The following C19orf44 variants were observed in gnomAD, a reference collection of about 807,000 sequenced individuals.
The protein encoded by C19orf44 is uncharacterized protein C19orf44.
A neutral mutation model predicts 50.7 loss-of-function variants in C19orf44; 43 were observed. The observed-to-expected ratio is 0.85, with a 90% CI of 0.66 to 1.09. C19orf44 has a LOEUF of 1.09. Among genes scored for constraint, C19orf44 ranks in the 50% least tolerant of loss-of-function variants. The pLI is 0.00. For missense variants in C19orf44, 722 were observed against 836.2 expected (o/e 0.86, Z 1.68); for synonymous variants, 298 against 334.7 (o/e 0.89, Z 1.20).
At position 16,501,126 on chromosome 19, in the gene C19orf44, A is replaced by G. The variant is rs2093424070; in HGVS notation, c.334A>G (p.Asn112Asp). 1 of 1,613,986 alleles carries G rather than the reference A, an allele frequency of 6.2e-7. No homozygotes were observed. The highest frequency in any genetic ancestry group is 1.3e-5 in the African/African-American group (1 of 74,906). The change falls in exon 2 of 9, where the codon AAT (asparagine) becomes GAT (aspartate). Residue 112 changes from asparagine (N) to aspartate (D), a missense_variant. Asn to Asp is a conservative substitution (Grantham distance 23, BLOSUM62 1). Coordinates refer to ENST00000221671, the MANE Select transcript of C19orf44 (RefSeq NM_032207.4). ...GATCATGAATCGGAAGCTGCAGAGGAATTTGTCTGACACGGAATCTGACTC... is the reference window on the plus strand; with the variant it reads ...GATCATGAATCGGAAGCTGCAGAGGGATTTGTCTGACACGGAATCTGACTC... ...TRIMNRKLQR[N>D]LSDTESDSMT... is the part of the protein sequence containing the mutation.
At chr19:16,497,644 C>T (rs904573690) in intron 1 of C19orf44, among the ~76,000 whole-genome samples, 6 of 152,264 alleles carry the variant, frequency 3.9e-5, no homozygotes, top group South Asian at 2.1e-4. Context: ...CCACTGCGCC[C>T]GGCTTGGCTA....
Position 16,519,380 on chromosome 19 carries a change from C to A in C19orf44, c.*41-714C>A, listed in dbSNP as rs765754577. The A allele has an allele frequency of 6.9e-6, 11 of 1,601,704 alleles. No individual in the cohort carries two copies. The highest frequency in any genetic ancestry group is 1.1e-5 in the South Asian group (1 of 90,126). On this transcript the variant is annotated intron_variant, in intron 8 of 8. Coordinates refer to ENST00000221671, the MANE Select transcript of C19orf44 (RefSeq NM_032207.4). This position sits in a 1 kb window ranked among gnomAD's most constrained non-coding sequence, Gnocchi z 6.0. ...GGAAACAGAGACGCAGTCACAACCA[C>A]AACAAGGCGGAGGCAGATGGGGGTG...
Position 16,503,380 on chromosome 19 carries a change from G to A in C19orf44, c.1075G>A (p.Glu359Lys), listed in dbSNP as rs147838234. 7.7e-5 allele frequency: 123 copies of A among 1,606,366 alleles called. No homozygotes were observed. In the African/African-American group the frequency reaches 1.4e-3, roughly 18 times the overall value. The stretch of plus-strand genomic sequence containing the variant: ...AGAAGGTGCTGATGACAGCCTCGAC[G>A]GTAATCCCAGTCCCGGTGCAAAGCC... The part of the protein sequence containing the change: ...VSEGADDSLD[E>K]FRINILSLDG... The change falls in exon 3 of 9, where the codon GAG (glutamate) becomes AAG (lysine). Residue 359 changes from glutamate to lysine, a missense_variant and splice_region_variant. Coordinates refer to ENST00000221671, the MANE Select transcript of C19orf44 (RefSeq NM_032207.4).
intron 4 of C19orf44, among the ~76,000 whole-genome samples, chr19:16,509,291 A>G (rs1429655239): frequency 2.0e-5 from 3 of 152,150 alleles, no homozygotes; most frequent in Non-Finnish European, 4.4e-5. Flanking sequence ...GCGTCACACC[A>G]TCAGGATTCC....
intron 7 of C19orf44, among the ~76,000 whole-genome samples, chr19:16,516,657 G>A (rs537596383): frequency 1.3e-5 from 2 of 152,318 alleles, no homozygotes; most frequent in East Asian, 1.9e-4. Flanking sequence ...TGCTGGGCCC[G>A]CAAGCAGGCG....
chr19:16,520,226 C>A lies in C19orf44; in HGVS notation c.*173C>A, dbSNP rs775219409. 1.2e-6 allele frequency: 2 copies of A among 1,613,508 alleles called. No homozygotes were observed. Among genetic ancestry groups the A allele is most frequent in the Admixed American group, 3.3e-5 (2 of 60,022 alleles). On this transcript the variant is annotated 3_prime_UTR_variant, in exon 9 of 9. Coordinates refer to ENST00000221671, the MANE Select transcript of C19orf44 (RefSeq NM_032207.4). The surrounding 1 kb of genome is among the most constrained non-coding windows in gnomAD (Gnocchi z 4.0). ...ACTTGGACCGGGACCGCGACTGGGA[C>A]CGGGAGCGGCTTCTGGAGGAGCGCG...
In C19orf44 at chr19:16,517,343, T is replaced by C; in HGVS notation, c.*40+2T>C. 6.3e-7 allele frequency: 1 copy of C among 1,576,822 alleles called. No homozygotes were observed. Among genetic ancestry groups the C allele is most frequent in the Non-Finnish European group, 8.7e-7 (1 of 1,148,082 alleles). On this transcript the variant is annotated splice_donor_variant, in intron 8 of 8. Coordinates refer to ENST00000221671, the MANE Select transcript of C19orf44 (RefSeq NM_032207.4). LOFTEE classifies it low-confidence loss of function (3UTR_SPLICE). ...CTTGACGTGACGTCTTAACAAAAGG[T>C]ATCCCGTCCTGTGTACTCAGTGCAC...
intron 1 of C19orf44, among the ~76,000 whole-genome samples, chr19:16,500,144 G>A (rs989888535): frequency 6.6e-6 from 1 of 152,040 alleles, no homozygotes; most frequent in African/African-American, 2.4e-5. Flanking sequence ...GGCCAGGCTG[G>A]TCTCGAACCC....
chr19:16,506,903 G>A (rs2093442259), intron 4 of C19orf44, 129 bp downstream of exon 4: 1 of 635,602 alleles, frequency 1.6e-6, no homozygotes, highest in Non-Finnish European at 2.7e-6. Context: ...CTCAAACTGG[G>A]CTCAAGCAAT....
In C19orf44 at chr19:16,503,174, A is replaced by G. The variant is rs2093430738; in HGVS notation, c.869A>G (p.His290Arg). 3.7e-6 allele frequency: 6 copies of G among 1,614,088 alleles called. No individual in the cohort carries two copies. In the East Asian group the frequency reaches 1.1e-4, roughly 30 times the overall value. ...PTSLAADRTL[H>R]STRSRADYPQ... ...TCCCTGGCAGCAGACAGAACCCTTCACAGCACTCGCTCAAGAGCAGACTAC... is the reference window on the plus strand; with the variant it reads ...TCCCTGGCAGCAGACAGAACCCTTCGCAGCACTCGCTCAAGAGCAGACTAC... Residue 290 changes from histidine (H) to arginine (R), a missense_variant, in exon 3 of 9, where the codon CAC becomes CGC. By Grantham distance (29) the His-to-Arg change is conservative. Transcript: ENST00000221671.
In C19orf44 at chr19:16,509,806, A is replaced by G. The variant is rs1253155797; in HGVS notation, c.1457A>G (p.His486Arg). 6.2e-7 allele frequency: 1 copy of G among 1,614,276 alleles called. No individual in the cohort carries two copies. The part of the protein sequence containing the change: ...PSLTASEPTA[H>R]SKESLDRTLD... ...CTGACAGCATCTGAGCCAACCGCCC[A>G]TTCCAAGGAGTCTCTTGACAGAACA... The change falls in exon 5 of 9, where the codon CAT becomes CGT. Residue 486 changes from histidine (H) to arginine (R), a missense_variant. By Grantham distance (29) the His-to-Arg change is conservative. Coordinates refer to ENST00000221671, the MANE Select transcript of C19orf44 (RefSeq NM_032207.4).
chr19:16,519,100 G>A lies in C19orf44; in HGVS notation c.*41-994G>A. ...CACTGCAATCTTCCTCTGCCAGTCA[G>A]CCAGGAAGGTCCCACAGCCGGCACC... is the stretch of plus-strand genomic sequence containing the variant. On this transcript the variant is annotated intron_variant, in intron 8 of 8. Coordinates refer to ENST00000221671, the MANE Select transcript of C19orf44 (RefSeq NM_032207.4). The surrounding 1 kb of genome is among the most constrained non-coding windows in gnomAD (Gnocchi z 6.0). 3 of 1,472,590 alleles carry A rather than the reference G, an allele frequency of 2.0e-6. No individual in the cohort carries two copies. The highest frequency in any genetic ancestry group is 1.2e-5 in the South Asian group (1 of 84,416). 91.2% of individuals were successfully genotyped at this position (1,472,590 alleles called of 1,614,324 possible).
chr19:16,520,839 C>T lies in C19orf44; in HGVS notation c.*786C>T. 6.2e-7 allele frequency: 1 copy of T among 1,613,874 alleles called. No homozygotes were observed. The highest frequency in any genetic ancestry group is 8.5e-7 in the Non-Finnish European group (1 of 1,180,026). On this transcript the variant is annotated 3_prime_UTR_variant, in exon 9 of 9. Transcript: ENST00000221671. The surrounding 1 kb of genome is among the most constrained non-coding windows in gnomAD (Gnocchi z 4.0). Reference sequence around the variant, plus strand: ...CTGCGCTTTTACCTGTTCCTCTTCTCCTGGCCTTTCCTCCGCCGGGCCCGC... The same window carrying T: ...CTGCGCTTTTACCTGTTCCTCTTCTTCTGGCCTTTCCTCCGCCGGGCCCGC...
Position 16,520,052 on chromosome 19 carries a change from C to G in C19orf44, c.*41-42C>G. 2.3e-6 allele frequency: 3 copies of G among 1,324,726 alleles called. No individual in the cohort carries two copies. The highest frequency in any genetic ancestry group is 3.2e-6 in the Non-Finnish European group (3 of 937,166). The allele number at this position is 1,324,726 out of a possible 1,614,324, so 82.1% of individuals were successfully genotyped here. Reference sequence around the variant, plus strand: ...GTCCCCGGGCTAATGCTGGCGGCCTCCTAACACAGTCTCCTAACCACCAAT... The same window carrying G: ...GTCCCCGGGCTAATGCTGGCGGCCTGCTAACACAGTCTCCTAACCACCAAT... On this transcript the variant is annotated intron_variant, in intron 8 of 8. Coordinates refer to ENST00000221671, the MANE Select transcript of C19orf44 (RefSeq NM_032207.4). This position sits in a 1 kb window ranked among gnomAD's most constrained non-coding sequence, Gnocchi z 4.0.
intron 5 of C19orf44, among the ~76,000 whole-genome samples, chr19:16,512,038 AAGGC>A (rs2093458747): frequency 6.7e-6 from 1 of 149,762 alleles, no homozygotes; most frequent in Admixed American, 6.7e-5. Flanking sequence ...AAAAAAAAAA[AAGGC>A]AATGTAATTC....
In C19orf44 at chr19:16,519,980, C is replaced by T; in HGVS notation, c.*41-114C>T. On this transcript the variant is annotated intron_variant, in intron 8 of 8. Transcript: ENST00000221671. The surrounding 1 kb of genome is among the most constrained non-coding windows in gnomAD (Gnocchi z 6.0). Reference sequence around the variant, plus strand: ...AGAAAGCAGACCCCAGTTACTGCCTCAGGCTTCGCCAAGTGGCTACTGTGG... The same window carrying T: ...AGAAAGCAGACCCCAGTTACTGCCTTAGGCTTCGCCAAGTGGCTACTGTGG... The T allele has an allele frequency of 1.3e-6, 1 of 751,624 alleles. No individual in the cohort carries two copies. Among genetic ancestry groups the T allele is most frequent in the Non-Finnish European group, 2.2e-6 (1 of 456,210 alleles). 46.6% of individuals were successfully genotyped at this position (751,624 alleles called of 1,614,324 possible).
Position 16,497,341 on chromosome 19 carries a change from T to A in C19orf44, c.-2+876T>A, listed in dbSNP as rs1286935879. Among the ~76,000 whole-genome samples, 5 of 131,488 alleles carry A rather than the reference T, an allele frequency of 3.8e-5. No individual in the cohort carries two copies. In the East Asian group the frequency reaches 1.1e-3, roughly 29 times the overall value. The allele number at this position is 131,488 out of a possible 152,430, so 86.3% of individuals were successfully genotyped here. On this transcript the variant is annotated intron_variant, in intron 1 of 8. Coordinates refer to ENST00000221671, the MANE Select transcript of C19orf44 (RefSeq NM_032207.4). The stretch of plus-strand genomic sequence containing the variant: ...TGGAGTTTAGTGTCTGGCTACTTTC[T>A]TTTTTCTTTCCTTTTTTTTTTTTTT...
At chr19:16,504,206 T>A (rs958953434) in intron 3 of C19orf44, among the ~76,000 whole-genome samples, 7 of 151,812 alleles carry the variant, frequency 4.6e-5, no homozygotes, top group East Asian at 3.9e-4. Flanking sequence ...TAAAAAAAAA[T>A]TTTTTTAAAC....
At position 16,519,589 on chromosome 19, in the gene C19orf44, C is replaced by T; in HGVS notation, c.*41-505C>T. On this transcript the variant is annotated intron_variant, in intron 8 of 8. Transcript: ENST00000221671. This position sits in a 1 kb window ranked among gnomAD's most constrained non-coding sequence, Gnocchi z 6.0. ...CCCGGGCCCAGCACGCGTGAGGACCCATCCCGCGCCCTCCCCATTCCCTCG... is the reference window on the plus strand; with the variant it reads ...CCCGGGCCCAGCACGCGTGAGGACCTATCCCGCGCCCTCCCCATTCCCTCG... 6.3e-7 allele frequency: 1 copy of T among 1,582,372 alleles called. No homozygotes were observed. Among genetic ancestry groups the T allele is most frequent in the Non-Finnish European group, 8.7e-7 (1 of 1,151,406 alleles).
Sources: gnomAD v4.1 joint callset for allele counts (sites outside exome capture counted in the v4.1 genomes callset) on GRCh38, gnomAD v4.1.1 for gene constraint, Gnocchi (gnomAD v3.1) non-coding constraint, MANE v1.5 for transcripts, NCBI Gene and HGNC (gene_info 2026-07-23, HGNC 2026-07-21) for gene names.